ZNF574: variants seen among roughly 807,000 people sequenced by gnomAD.
The protein encoded by ZNF574 is zinc finger protein 574.
Under a neutral mutation model 56.6 loss-of-function variants are expected in ZNF574, and 25 were observed. The ratio of observed to expected loss-of-function variants is 0.44; its 90% CI spans 0.32 to 0.62. The LOEUF is 0.62. Ranked by LOEUF, ZNF574 falls within the 20% of genes least tolerant of loss-of-function variation. The pLI is 0.04. For missense variants in ZNF574, 1,065 were observed against 1,218.9 expected (o/e 0.87, Z 1.88); for synonymous variants, 543 against 492.1 (o/e 1.10, Z -1.37).
rs779229989 is a variant in ZNF574, at chr19:42,080,907, A to T, written c.2301A>T (p.Pro767=). The T allele has an allele frequency of 1.2e-6, 2 of 1,613,678 alleles. No homozygotes were observed. The highest frequency in any genetic ancestry group is 1.7e-6 in the Non-Finnish European group (2 of 1,179,906). ...TCCACACAGGTGAGCGGCCATACCC[A>T]TGTCCAGACTGTGGCAAAGCGTTCC... is the stretch of plus-strand genomic sequence containing the variant. The part of the protein sequence containing the change: ...RRIHTGERPY[P]CPDCGKAFRQ... Residue 767 remains proline (P), a synonymous_variant, in exon 2 of 2, where the codon CCA becomes CCT. Transcript: ENST00000359044. This position sits in a 1 kb window ranked among gnomAD's most constrained non-coding sequence, Gnocchi z 8.5.
At chr19:42,072,825 C>T (rs1402463557), upstream of ZNF574, among the ~76,000 whole-genome samples, 5 of 152,198 alleles carry the variant, frequency 3.3e-5, no homozygotes, top group Admixed American at 6.5e-5. Flanking sequence ...CTCGGTCTCC[C>T]AAAGTGTTGT....
chr19:42,074,679 ATGCC>A (rs1277597841), upstream of ZNF574: 4 of 152,072 alleles, frequency 2.6e-5, no homozygotes, highest in African/African-American at 9.7e-5. Flanking sequence ...TTAACTATAC[ATGCC>A]TGGTGTTAGG....
intron 1 of ZNF574, among the ~76,000 whole-genome samples, chr19:42,077,239 A>C (rs1305337635): frequency 2.0e-5 from 3 of 151,954 alleles, no homozygotes; most frequent in Non-Finnish European, 4.4e-5. Context: ...GTGGTGATGG[A>C]GGTTCTGTAT....
intron 1 of ZNF574, among the ~76,000 whole-genome samples, chr19:42,078,166 G>T (rs1487971804): frequency 6.6e-6 from 1 of 152,058 alleles, no homozygotes; most frequent in Non-Finnish European, 1.5e-5. Flanking sequence ...CCTATATGGG[G>T]TTTCAGTTGG....
upstream of ZNF574, among the ~76,000 whole-genome samples, chr19:42,074,315 C>T (rs984273221): frequency 9.2e-5 from 13 of 142,014 alleles, no homozygotes; most frequent in African/African-American, 2.9e-4. Context: ...ATTAGCCAGG[C>T]GTGGTGGCGA....
In ZNF574 at chr19:42,081,549, A is replaced by T; in HGVS notation, c.*252A>T. 1 of 570,858 alleles carries T rather than the reference A, an allele frequency of 1.8e-6. No individual in the cohort carries two copies. Among genetic ancestry groups the T allele is most frequent in the East Asian group, 3.2e-5 (1 of 31,594 alleles). The allele number at this position is 570,858 out of a possible 1,614,324, so 35.4% of individuals were successfully genotyped here. The stretch of plus-strand genomic sequence containing the variant: ...AACCATCAATAAAGACTGAGTTGCC[A>T]GCAGTGTGTAGAGTGGAATTTGGGA... On this transcript the variant is annotated 3_prime_UTR_variant, in exon 2 of 2. Transcript: ENST00000359044.
At chr19:42,071,597 T>C (rs2076423267), upstream of ZNF574, among the ~76,000 whole-genome samples, 1 of 151,724 alleles carries the variant, frequency 6.6e-6, no homozygotes, top group Non-Finnish European at 1.5e-5. Flanking sequence ...TTACCCCACT[T>C]GGTCAACATC....
Position 42,078,588 on chromosome 19 carries a change from C to A in ZNF574, c.-19C>A. 1.2e-6 allele frequency: 2 copies of A among 1,601,820 alleles called. No individual in the cohort carries two copies. The highest frequency in any genetic ancestry group is 2.2e-5 in the South Asian group (2 of 90,282). On this transcript the variant is annotated splice_region_variant and 5_prime_UTR_variant, in exon 2 of 2. Coordinates refer to ENST00000359044, the MANE Select transcript of ZNF574 (RefSeq NM_022752.6). ...TGTCCCCACTGTCTCCTCTTCCAGC[C>A]CAGGGCCTTGCTGCCGCCATGACTG...
chr19:42,079,442 G>A lies in ZNF574; in HGVS notation c.836G>A (p.Arg279His), dbSNP rs575188445. ...LPASDHSYEL[R>H]NGEAIGRDRR... Reference sequence around the variant, plus strand: ...GCTTCTGACCACAGTTACGAGCTGCGCAATGGTGAAGCCATTGGGCGGGAT... The same window carrying A: ...GCTTCTGACCACAGTTACGAGCTGCACAATGGTGAAGCCATTGGGCGGGAT... Residue 279 changes from arginine to histidine, a missense_variant, in exon 2 of 2, where the codon CGC becomes CAC. Arg to His is a conservative substitution (Grantham distance 29, BLOSUM62 0). Coordinates refer to ENST00000359044, the MANE Select transcript of ZNF574 (RefSeq NM_022752.6). This position sits in a 1 kb window ranked among gnomAD's most constrained non-coding sequence, Gnocchi z 4.3. 4.6e-5 allele frequency: 74 copies of A among 1,613,576 alleles called. No individual in the cohort carries two copies. The highest frequency in any genetic ancestry group is 3.0e-4 in the Admixed American group (18 of 60,028).
Position 42,078,703 on chromosome 19 carries a change from A to G in ZNF574, c.97A>G (p.Met33Val). The G allele has an allele frequency of 6.2e-7, 1 of 1,614,050 alleles. No individual in the cohort carries two copies. The highest frequency in any genetic ancestry group is 1.1e-5 in the South Asian group (1 of 91,082). Residue 33 changes from methionine (M) to valine (V), a missense_variant, in exon 2 of 2, where the codon ATG (methionine) becomes GTG (valine). Transcript: ENST00000359044. ...GTATGGATCACTGGAAGAGGTGCTT[A>G]TGCACCAAAACTCCCACGTGCCCCA... ...QLYGSLEEVLMHQNSHVPQQH... is the reference protein window; with the variant it reads ...QLYGSLEEVLVHQNSHVPQQH...
In ZNF574 at chr19:42,081,325, C is replaced by T. The variant is rs529402600; in HGVS notation, c.*28C>T. ...CTGCCCGACTTCCTCTTTGGCACCTCCATTCCCTGTTGCTGAAGGCCCTCC... is the reference window on the plus strand; with the variant it reads ...CTGCCCGACTTCCTCTTTGGCACCTTCATTCCCTGTTGCTGAAGGCCCTCC... On this transcript the variant is annotated 3_prime_UTR_variant, in exon 2 of 2. Transcript: ENST00000359044. 42 of 1,614,008 alleles carry T rather than the reference C, an allele frequency of 2.6e-5. 1 individual carries two copies. The Admixed American group carries it at 5.3e-4, about 20-fold the overall frequency.
rs749786279 is a variant in ZNF574, at chr19:42,079,734, G to C, written c.1128G>C (p.Glu376Asp). 1.2e-6 allele frequency: 2 copies of C among 1,614,056 alleles called. No individual in the cohort carries two copies. Among genetic ancestry groups the C allele is most frequent in the Admixed American group, 3.3e-5 (2 of 60,016 alleles). The change falls in exon 2 of 2, where the codon GAG becomes GAC. Residue 376 changes from glutamate (E) to aspartate (D), a missense_variant. Coordinates refer to ENST00000359044, the MANE Select transcript of ZNF574 (RefSeq NM_022752.6). The surrounding 1 kb of genome is among the most constrained non-coding windows in gnomAD (Gnocchi z 4.3). Reference protein sequence around the residue: ...CVDCGLAFGTEALLLAHRRAH... With the variant: ...CVDCGLAFGTDALLLAHRRAH... ...ACTGTGGCCTGGCCTTCGGCACAGA[G>C]GCCCTCCTCCTGGCCCACCGGCGAG...
At position 42,080,233 on chromosome 19, in the gene ZNF574, C is replaced by T; in HGVS notation, c.1627C>T (p.Leu543Phe). 6.2e-7 allele frequency: 1 copy of T among 1,614,118 alleles called. No homozygotes were observed. The highest frequency in any genetic ancestry group is 8.5e-7 in the Non-Finnish European group (1 of 1,180,032). Reference sequence around the variant, plus strand: ...ACCTGCCAACCTGGCCCGCCACCGGCTCACACACACAGGAGAGCGGCCCTA... The same window carrying T: ...ACCTGCCAACCTGGCCCGCCACCGGTTCACACACACAGGAGAGCGGCCCTA... Reference protein sequence around the residue: ...NSPANLARHRLTHTGERPYRC... With the variant: ...NSPANLARHRFTHTGERPYRC... Residue 543 changes from leucine to phenylalanine, a missense_variant, in exon 2 of 2, where the codon CTC (leucine) becomes TTC (phenylalanine). Transcript: ENST00000359044. This position sits in a 1 kb window ranked among gnomAD's most constrained non-coding sequence, Gnocchi z 8.5.
At chr19:42,071,542 A>G (rs1267940166), upstream of ZNF574, among the ~76,000 whole-genome samples, 1 of 152,124 alleles carries the variant, frequency 6.6e-6, no homozygotes, top group African/African-American at 2.4e-5. Flanking sequence ...CACATCTGAC[A>G]CATATATCTG....
intron 1 of ZNF574, among the ~76,000 whole-genome samples, chr19:42,077,470 G>A (rs1009159456): frequency 1.3e-5 from 2 of 152,072 alleles, no homozygotes. Flanking sequence ...ATGTGGAGGA[G>A]GATCTGGATA....
chr19:42,079,313 A>G lies in ZNF574; in HGVS notation c.707A>G (p.His236Arg), dbSNP rs2076478235. Residue 236 changes from histidine to arginine, a missense_variant, in exon 2 of 2, where the codon CAC (histidine) becomes CGC (arginine). Physicochemically the swap from His to Arg is conservative, Grantham distance 29. Transcript: ENST00000359044. The surrounding 1 kb of genome is among the most constrained non-coding windows in gnomAD (Gnocchi z 4.3). Reference sequence around the variant, plus strand: ...GATTTCCTGGAGCACCAGGCCACTCACTTCCCTGCTCCTGTACCCGAGTCT... The same window carrying G: ...GATTTCCTGGAGCACCAGGCCACTCGCTTCCCTGCTCCTGTACCCGAGTCT... ...PADFLEHQAT[H>R]FPAPVPESQE... 1 of 1,613,866 alleles carries G rather than the reference A, an allele frequency of 6.2e-7. No individual in the cohort carries two copies. Among genetic ancestry groups the G allele is most frequent in the Non-Finnish European group, 8.5e-7 (1 of 1,179,950 alleles).
intron 1 of ZNF574, chr19:42,069,069 C>T (rs2076385084): frequency 6.6e-6 from 3 of 453,000 alleles, no homozygotes. Flanking sequence ...GAGAAGAGGT[C>T]GAGGTGAATG....
chr19:42,078,506 T>TGGTCGGGGTATC, intron 1 of ZNF574, 81 bp from the exon 2 acceptor site: 1 of 981,580 alleles, frequency 1.0e-6, no homozygotes, highest in Non-Finnish European at 1.4e-6. Flanking sequence ...AGATCTAAGG[T>TGGTCGGGGTATC]ATTAGGAGTG....
upstream of ZNF574, among the ~76,000 whole-genome samples, chr19:42,071,659 C>T (rs2076424073): frequency 6.6e-6 from 1 of 152,138 alleles, no homozygotes; most frequent in African/African-American, 2.4e-5. Context: ...CCTAAAAGCC[C>T]AGATTCACAC....
Sources: allele counts gnomAD v4.1 joint callset (sites outside exome capture counted in the v4.1 genomes callset), GRCh38; gene constraint gnomAD v4.1.1; non-coding constraint Gnocchi (gnomAD v3.1); transcripts MANE v1.5; gene names NCBI Gene and HGNC (gene_info 2026-07-23, HGNC 2026-07-21).